Variants in SAMMSON observed in about 807,000 individuals in gnomAD.
The protein encoded by SAMMSON is long intergenic non-protein coding RNA 1212.
intron 6 of SAMMSON, among the ~76,000 whole-genome samples, chr3:70,290,543 G>C (rs1272680476): frequency 3.3e-5 from 5 of 152,246 alleles, no homozygotes; most frequent in Non-Finnish European, 5.9e-5. Context: ...CAGAGGTGGA[G>C]CCTACAGAGG....
chr3:70,052,307 G>A (rs2067149404), intron 3 of SAMMSON, among the ~76,000 whole-genome samples: 1 of 151,990 alleles, frequency 6.6e-6, no homozygotes, highest in South Asian at 2.1e-4. Flanking sequence ...CCCCACTGCA[G>A]TGTCAAAAAA....
chr3:70,425,007 GAGA>G (rs1195122521), intron 2 of SAMMSON: 2 of 152,574 alleles, frequency 1.3e-5, no homozygotes, highest in African/African-American at 2.4e-5. Context: ...GGAAGAGAAA[GAGA>G]AGGAGAAGGA....
At chr3:70,101,730 G>C (rs1278767855) in intron 4 of SAMMSON, among the ~76,000 whole-genome samples, 2 of 152,104 alleles carry the variant, frequency 1.3e-5, no homozygotes, top group Non-Finnish European at 2.9e-5. Flanking sequence ...TGTCCCTCCA[G>C]TATCCCTGGA....
intron 4 of SAMMSON, chr3:70,184,012 A>ATC (rs1701073523): frequency 6.6e-6 from 1 of 152,196 alleles, no homozygotes; most frequent in Non-Finnish European, 1.5e-5. Context: ...GCTAAAGCAG[A>ATC]TGGATGCTCC....
chr3:70,333,966 G>A (rs1702644458), intron 7 of SAMMSON, among the ~76,000 whole-genome samples: 1 of 152,206 alleles, frequency 6.6e-6, no homozygotes, highest in African/African-American at 2.4e-5. Flanking sequence ...TATTACACAG[G>A]TGGGGAATCT....
intron 6 of SAMMSON, among the ~76,000 whole-genome samples, chr3:70,281,990 A>G (rs1474294882): frequency 6.6e-6 from 1 of 152,182 alleles, no homozygotes; most frequent in Non-Finnish European, 1.5e-5. Flanking sequence ...ATGGAAGTCC[A>G]CCTGGACAGA....
chr3:70,193,058 AT>A (rs1015966491), intron 4 of SAMMSON, among the ~76,000 whole-genome samples: 1 of 152,134 alleles, frequency 6.6e-6, no homozygotes, highest in African/African-American at 2.4e-5. Context: ...GCTTTGCCAA[AT>A]TGTGAGGGAG....
chr3:70,185,260 A>G (rs1029420357), intron 4 of SAMMSON, among the ~76,000 whole-genome samples: 1 of 152,168 alleles, frequency 6.6e-6, no homozygotes, highest in Non-Finnish European at 1.5e-5. Flanking sequence ...CCATATAAAA[A>G]TTTCCTCCAT....
rs557925026 is a variant in SAMMSON at position 70,408,154 on chromosome 3, G to A, written n.233+49830G>A. On this transcript the variant is annotated intron_variant and non_coding_transcript_variant, in intron 2 of 3. Transcript: ENST00000641053. ...GGCTGCACACAGCACAGGGACCCTGGGCCCTGCCCATGAAACCATTTTCTC... is the reference window on the plus strand; with the variant it reads ...GGCTGCACACAGCACAGGGACCCTGAGCCCTGCCCATGAAACCATTTTCTC... Among the ~76,000 whole-genome samples, 311 of 152,316 alleles carry A rather than the reference G, an allele frequency of 2.0e-3. 1 individual carries two copies. Among genetic ancestry groups the A allele is most frequent in the African/African-American group, 3.6e-3 (149 of 41,574 alleles).
intron 6 of SAMMSON, among the ~76,000 whole-genome samples, chr3:70,253,450 C>T (rs1170518590): frequency 1.3e-5 from 2 of 152,062 alleles, no homozygotes; most frequent in Non-Finnish European, 2.9e-5. Context: ...CACCTTATTT[C>T]CACATTGAAA....
intron 7 of SAMMSON, among the ~76,000 whole-genome samples, chr3:70,293,607 G>T (rs920209518): frequency 6.6e-6 from 1 of 152,090 alleles, no homozygotes; most frequent in South Asian, 2.1e-4. Context: ...ATATAAGATG[G>T]TGTTAGCTTG....
At chr3:70,392,280 C>T (rs1381775045), downstream of SAMMSON, among the ~76,000 whole-genome samples, 1 of 152,108 alleles carries the variant, frequency 6.6e-6, no homozygotes, top group African/African-American at 2.4e-5. Flanking sequence ...ATCTCACCAC[C>T]CATCCCCCAG....
chr3:70,097,605 C>T (rs1199455704), intron 4 of SAMMSON, among the ~76,000 whole-genome samples: 2 of 152,148 alleles, frequency 1.3e-5, no homozygotes, highest in East Asian at 1.9e-4. Context: ...GTCACTTATT[C>T]GAAAGGGCTC....
At chr3:70,183,075 G>T (rs1701066607) in intron 4 of SAMMSON, among the ~76,000 whole-genome samples, 1 of 152,164 alleles carries the variant, frequency 6.6e-6, no homozygotes. Context: ...ACTATTCTTT[G>T]TTGAACACTC....
chr3:70,331,248 T>C (rs557891563), intron 7 of SAMMSON, among the ~76,000 whole-genome samples: 2 of 152,328 alleles, frequency 1.3e-5, no homozygotes, highest in East Asian at 3.9e-4. Context: ...CATGATTTCC[T>C]GCCGATGTCA....
chr3:70,125,720 A>C (rs1361538914), intron 4 of SAMMSON: 1 of 682,462 alleles, frequency 1.5e-6, no homozygotes, highest in Admixed American at 2.3e-5. Context: ...ACTAGATGTA[A>C]ACTGTTTTGT....
intron 2 of SAMMSON, chr3:70,425,237 T>G (rs1205558599): frequency 1.3e-5 from 2 of 152,158 alleles, no homozygotes; most frequent in Non-Finnish European, 2.9e-5. Context: ...AATAAGAATA[T>G]TAGACTTAAT....
chr3:70,390,302 C>T (rs916727986), downstream of SAMMSON, among the ~76,000 whole-genome samples: 2 of 151,970 alleles, frequency 1.3e-5, no homozygotes, highest in African/African-American at 4.8e-5. Flanking sequence ...TCATTTGCAA[C>T]TTGGTAGAAA....
intron 2 of SAMMSON, among the ~76,000 whole-genome samples, chr3:70,417,412 C>G (rs112085965): frequency 6.6e-6 from 1 of 152,212 alleles, no homozygotes; most frequent in Admixed American, 6.5e-5. Flanking sequence ...TCTTATCCAA[C>G]TTTCTCTGTA....
Sources: allele counts gnomAD v4.1 joint callset (sites outside exome capture counted in the v4.1 genomes callset), GRCh38; gene constraint gnomAD v4.1.1; transcripts MANE v1.5; gene names NCBI Gene and HGNC (gene_info 2026-07-23, HGNC 2026-07-21).